The following OR6C6 variants were observed in gnomAD, a reference collection of about 807,000 sequenced individuals.
The protein encoded by OR6C6 is olfactory receptor 6C6.
For missense variants in OR6C6, 411 were observed against 366.8 expected (o/e 1.12, Z -0.98); for synonymous variants, 140 against 135.2 (o/e 1.04, Z -0.25).
chr12:55,296,430 A>G lies in OR6C6; in HGVS notation c.-137T>C, dbSNP rs1868256752. 1 of 152,036 alleles carries G rather than the reference A, an allele frequency of 6.6e-6. No individual in the cohort carries two copies. The highest frequency in any genetic ancestry group is 2.4e-5 in the African/African-American group (1 of 41,456). 9.4% of individuals were successfully genotyped at this position (152,036 alleles called of 1,614,324 possible). A position where few individuals can be genotyped will look rare whatever the true frequency, so the allele number is the denominator to read the frequency against. On this transcript the variant is annotated 5_prime_UTR_variant, in exon 1 of 2. Coordinates refer to ENST00000358433, the MANE Select transcript of OR6C6 (RefSeq NM_001005493.2). Reference sequence around the variant, plus strand: ...GACCACATTTTATTATCCAATAGGCACATTTATTACCAATGATTTTTGTGG... The same window carrying G: ...GACCACATTTTATTATCCAATAGGCGCATTTATTACCAATGATTTTTGTGG...
In OR6C6 at chr12:55,295,080, G is replaced by C; in HGVS notation, c.153C>G (p.Pro51=). ...LIIIILTLLD[P]RLKTPMYFFL... ...AGAAATACATTGGCGTCTTGAGCCGGGGATCCAGCAGGGTGAGGATGATGA... is the reference window on the plus strand; with the variant it reads ...AGAAATACATTGGCGTCTTGAGCCGCGGATCCAGCAGGGTGAGGATGATGA... Residue 51 remains proline (P), a synonymous_variant, in exon 2 of 2, where the codon CCC becomes CCG. Coordinates refer to ENST00000358433, the MANE Select transcript of OR6C6 (RefSeq NM_001005493.2). 6.2e-7 allele frequency: 1 copy of C among 1,613,938 alleles called. No individual in the cohort carries two copies. Among genetic ancestry groups the C allele is most frequent in the Non-Finnish European group, 8.5e-7 (1 of 1,179,952 alleles).
rs374404224 is a variant in OR6C6, at chr12:55,294,294, T to C, written c.939A>G (p.Pro313=). Residue 313 remains proline (P), a synonymous_variant, in exon 2 of 2, where the codon CCA becomes CCG. Transcript: ENST00000358433. ...LQKNLCFSKR[P]F Reference sequence around the variant, plus strand: ...TGTAATTTGTAGCAGATTCTTAAAATGGTCTTTTAGAAAAACACAAATTCT... The same window carrying C: ...TGTAATTTGTAGCAGATTCTTAAAACGGTCTTTTAGAAAAACACAAATTCT... 20 of 1,568,586 alleles carry C rather than the reference T, an allele frequency of 1.3e-5. No individual in the cohort carries two copies. In the African/African-American group the frequency reaches 2.6e-4, roughly 20 times the overall value.
rs1592255430 is a variant in OR6C6, at chr12:55,294,033, C to T, written c.*255G>A. The T allele has an allele frequency of 2.0e-5, 5 of 254,534 alleles. No individual in the cohort carries two copies. The highest frequency in any genetic ancestry group is 7.5e-5 in the South Asian group (1 of 13,414). The allele number at this position is 254,534 out of a possible 1,614,324, so 15.8% of individuals were successfully genotyped here. A position where few individuals can be genotyped will look rare whatever the true frequency, so the allele number is the denominator to read the frequency against. ...CATCTGGGCTCACTGCAACCTCCAC[C>T]TCCCGAGTTCAAGCTATTCTCTTGC... On this transcript the variant is annotated 3_prime_UTR_variant, in exon 2 of 2. Coordinates refer to ENST00000358433, the MANE Select transcript of OR6C6 (RefSeq NM_001005493.2).
Position 55,295,070 on chromosome 12 carries a change from T to C in OR6C6, c.163A>G (p.Thr55Ala). The change falls in exon 2 of 2, where the codon ACG becomes GCG. Residue 55 changes from threonine (T) to alanine (A), a missense_variant. By Grantham distance (58) the Thr-to-Ala change is moderately conservative. Transcript: ENST00000358433. The stretch of plus-strand genomic sequence containing the variant: ...TTACGGAGAAAGAAATACATTGGCG[T>C]CTTGAGCCGGGGATCCAGCAGGGTG... ...ILTLLDPRLK[T>A]PMYFFLRNFS... 1 of 1,614,036 alleles carries C rather than the reference T, an allele frequency of 6.2e-7. No individual in the cohort carries two copies. The highest frequency in any genetic ancestry group is 1.1e-5 in the South Asian group (1 of 91,074).
chr12:55,295,126 C>T lies in OR6C6; in HGVS notation c.107G>A (p.Ser36Asn). The change falls in exon 2 of 2, where the codon AGC (serine) becomes AAC (asparagine). Residue 36 changes from serine (S) to asparagine (N), a missense_variant. By Grantham distance (46) the Ser-to-Asn change is conservative (BLOSUM62 1). Coordinates refer to ENST00000358433, the MANE Select transcript of OR6C6 (RefSeq NM_001005493.2). ...GATGATGATTAAGTTCCCCATCAGGCTCAAGGTGTAGTTGAGAAATAGAAA... is the reference window on the plus strand; with the variant it reads ...GATGATGATTAAGTTCCCCATCAGGTTCAAGGTGTAGTTGAGAAATAGAAA... ...FLFLFLNYTL[S>N]LMGNLIIIIL... 1.2e-6 allele frequency: 2 copies of T among 1,613,848 alleles called. No homozygotes were observed. The highest frequency in any genetic ancestry group is 2.2e-5 in the East Asian group (1 of 44,852).
chr12:55,294,780 G>T lies in OR6C6; in HGVS notation c.453C>A (p.Phe151Leu). 1 of 1,614,072 alleles carries T rather than the reference G, an allele frequency of 6.2e-7. No individual in the cohort carries two copies. Among genetic ancestry groups the T allele is most frequent in the Non-Finnish European group, 8.5e-7 (1 of 1,179,980 alleles). The change falls in exon 2 of 2, where the codon TTC (phenylalanine) becomes TTA (leucine). Residue 151 changes from phenylalanine (F) to leucine (L), a missense_variant. Phe to Leu is a conservative substitution (Grantham distance 22). Coordinates refer to ENST00000358433, the MANE Select transcript of OR6C6 (RefSeq NM_001005493.2). ...QLVLSSWVTG[F>L]LIIFPPLVMG... Reference sequence around the variant, plus strand: ...TGACCAATGGGGGAAATATGATTAAGAATCCAGTTACCCAAGAGCTAAGTA... The same window carrying T: ...TGACCAATGGGGGAAATATGATTAATAATCCAGTTACCCAAGAGCTAAGTA...
chr12:55,294,762 T>C lies in OR6C6; in HGVS notation c.471A>G (p.Pro157=). 3 of 1,613,998 alleles carry C rather than the reference T, an allele frequency of 1.9e-6. No homozygotes were observed. The highest frequency in any genetic ancestry group is 2.5e-6 in the Non-Finnish European group (3 of 1,179,952). The change falls in exon 2 of 2, where the codon CCA becomes CCG. Residue 157 remains proline (P), a synonymous_variant. Coordinates refer to ENST00000358433, the MANE Select transcript of OR6C6 (RefSeq NM_001005493.2). ...WVTGFLIIFP[P]LVMGLKLDFC... is the part of the protein sequence containing the mutation. ...AATCCAGCTTGAGTCCCATGACCAA[T>C]GGGGGAAATATGATTAAGAATCCAG...
In OR6C6 at chr12:55,294,477, G is replaced by A. The variant is rs1411747339; in HGVS notation, c.756C>T (p.Ser252=). Residue 252 remains serine, a synonymous_variant, in exon 2 of 2, where the codon AGC becomes AGT. Coordinates refer to ENST00000358433, the MANE Select transcript of OR6C6 (RefSeq NM_001005493.2). ...HMIVVSMTYG[S]CIFMYIKPSA... is the part of the protein sequence containing the mutation. Reference sequence around the variant, plus strand: ...ATGGTTTAATATACATAAAGATACAGCTACCGTATGTCATGGAGACAACAA... The same window carrying A: ...ATGGTTTAATATACATAAAGATACAACTACCGTATGTCATGGAGACAACAA... The A allele has an allele frequency of 1.2e-6, 2 of 1,613,674 alleles. No homozygotes were observed. Among genetic ancestry groups the A allele is most frequent in the Non-Finnish European group, 1.7e-6 (2 of 1,179,630 alleles).
At position 55,294,947 on chromosome 12, in the gene OR6C6, C is replaced by T; in HGVS notation, c.286G>A (p.Ala96Thr). The T allele has an allele frequency of 6.2e-7, 1 of 1,613,738 alleles. No homozygotes were observed. Among genetic ancestry groups the T allele is most frequent in the Non-Finnish European group, 8.5e-7 (1 of 1,179,912 alleles). The change falls in exon 2 of 2, where the codon GCA (alanine) becomes ACA (threonine). Residue 96 changes from alanine (A) to threonine (T), a missense_variant. By Grantham distance (58) the Ala-to-Thr change is moderately conservative (BLOSUM62 0). Transcript: ENST00000358433. ...AAAAGGATAAAAAATAATTGAGTTGCACAATTATTATAAGAAATGGTTTTG... is the reference window on the plus strand; with the variant it reads ...AAAAGGATAAAAAATAATTGAGTTGTACAATTATTATAAGAAATGGTTTTG... ...RDKTISYNNCATQLFFILLPG... is the reference protein window; with the variant it reads ...RDKTISYNNCTTQLFFILLPG...
rs1266816237 is a variant in OR6C6 at position 55,294,764 on chromosome 12, G to C, written c.469C>G (p.Pro157Ala). ...WVTGFLIIFP[P>A]LVMGLKLDFC... The stretch of plus-strand genomic sequence containing the variant: ...TCCAGCTTGAGTCCCATGACCAATG[G>C]GGGAAATATGATTAAGAATCCAGTT... Residue 157 changes from proline to alanine, a missense_variant, in exon 2 of 2, where the codon CCA becomes GCA. Coordinates refer to ENST00000358433, the MANE Select transcript of OR6C6 (RefSeq NM_001005493.2). 4 of 1,613,976 alleles carry C rather than the reference G, an allele frequency of 2.5e-6. No individual in the cohort carries two copies. The highest frequency in any genetic ancestry group is 3.4e-6 in the Non-Finnish European group (4 of 1,179,966).
chr12:55,295,525 A>T (rs1330151652), intron 1 of OR6C6, among the ~76,000 whole-genome samples: 1 of 152,042 alleles, frequency 6.6e-6, no homozygotes, highest in East Asian at 1.9e-4. Flanking sequence ...TCACTGTCAG[A>T]TGAACTCTAC....
chr12:55,294,260 T>C lies in OR6C6; in HGVS notation c.*28A>G. The C allele has an allele frequency of 7.1e-7, 1 of 1,401,048 alleles. No individual in the cohort carries two copies. Among genetic ancestry groups the C allele is most frequent in the Non-Finnish European group, 9.9e-7 (1 of 1,007,826 alleles). 86.8% of individuals were successfully genotyped at this position (1,401,048 alleles called of 1,614,324 possible). ...ATGCCAGGCCGTTTTCCAGTTTTTA[T>C]GGTAAAGTTGTAATTTGTAGCAGAT... is the stretch of plus-strand genomic sequence containing the variant. On this transcript the variant is annotated 3_prime_UTR_variant, in exon 2 of 2. Transcript: ENST00000358433.
Position 55,294,726 on chromosome 12 carries a change from G to A in OR6C6, c.507C>T (p.Ser169=). The A allele has an allele frequency of 1.2e-6, 2 of 1,614,006 alleles. No homozygotes were observed. The highest frequency in any genetic ancestry group is 1.7e-6 in the Non-Finnish European group (2 of 1,180,000). ...VMGLKLDFCA[S]KTIDHFMCET... Reference sequence around the variant, plus strand: ...CACACATAAAGTGGTCAATAGTTTTGGAAGCACAAAAATCCAGCTTGAGTC... The same window carrying A: ...CACACATAAAGTGGTCAATAGTTTTAGAAGCACAAAAATCCAGCTTGAGTC... The change falls in exon 2 of 2, where the codon TCC becomes TCT. Residue 169 remains serine, a synonymous_variant. Transcript: ENST00000358433.
rs746450515 is a variant in OR6C6, at chr12:55,294,993, C to T, written c.240G>A (p.Leu80=). 6.2e-7 allele frequency: 1 copy of T among 1,613,374 alleles called. No homozygotes were observed. Among genetic ancestry groups the T allele is most frequent in the South Asian group, 1.1e-5 (1 of 91,054 alleles). ...TTTTGTCTCTAGTCACAATGGTTAT[C>T]AAGAATCTAGGAATACACACTGTTG... ...IFTTVCIPRF[L]ITIVTRDKTI... The change falls in exon 2 of 2, where the codon TTG becomes TTA. Residue 80 remains leucine (L), a synonymous_variant. Coordinates refer to ENST00000358433, the MANE Select transcript of OR6C6 (RefSeq NM_001005493.2).
At position 55,294,173 on chromosome 12, in the gene OR6C6, T is replaced by G. The variant is rs1954569756; in HGVS notation, c.*115A>C. ...GTTGGCCAGGCTGGTCTCGAACTCCTGACCTCAGGTAACCACCCTCCTCAG... is the reference window on the plus strand; with the variant it reads ...GTTGGCCAGGCTGGTCTCGAACTCCGGACCTCAGGTAACCACCCTCCTCAG... On this transcript the variant is annotated 3_prime_UTR_variant, in exon 2 of 2. Coordinates refer to ENST00000358433, the MANE Select transcript of OR6C6 (RefSeq NM_001005493.2). 3.1e-6 allele frequency: 2 copies of G among 637,038 alleles called. No homozygotes were observed. Among genetic ancestry groups the G allele is most frequent in the Middle Eastern group, 3.2e-4 (1 of 3,142 alleles). The allele number at this position is 637,038 out of a possible 1,614,324, so 39.5% of individuals were successfully genotyped here. A position where few individuals can be genotyped will look rare whatever the true frequency, so the allele number is the denominator to read the frequency against.
chr12:55,294,136 G>T lies in OR6C6; in HGVS notation c.*152C>A. The T allele has an allele frequency of 1.8e-6, 1 of 552,458 alleles. No homozygotes were observed. The allele number at this position is 552,458 out of a possible 1,614,324, so 34.2% of individuals were successfully genotyped here. Reference sequence around the variant, plus strand: ...ATTTTTGTACTTTTAAGTAGAGACGGGGTTTCACCATGTTGGCCAGGCTGG... The same window carrying T: ...ATTTTTGTACTTTTAAGTAGAGACGTGGTTTCACCATGTTGGCCAGGCTGG... On this transcript the variant is annotated 3_prime_UTR_variant, in exon 2 of 2. Coordinates refer to ENST00000358433, the MANE Select transcript of OR6C6 (RefSeq NM_001005493.2).
intron 1 of OR6C6, among the ~76,000 whole-genome samples, chr12:55,295,648 G>A (rs538248524): frequency 3.2e-4 from 48 of 152,004 alleles, no homozygotes; most frequent in African/African-American, 1.1e-3. Context: ...TAACGAGTAT[G>A]AGGATGATGT....
rs1004184207 is a variant in OR6C6, at chr12:55,294,166, G to T, written c.*122C>A. The T allele has an allele frequency of 2.6e-5, 16 of 615,018 alleles. No homozygotes were observed. Among genetic ancestry groups the T allele is most frequent in the Non-Finnish European group, 1.7e-5 (6 of 348,692 alleles). 38.1% of individuals were successfully genotyped at this position (615,018 alleles called of 1,614,324 possible). ...TCACCATGTTGGCCAGGCTGGTCTC[G>T]AACTCCTGACCTCAGGTAACCACCC... On this transcript the variant is annotated 3_prime_UTR_variant, in exon 2 of 2. Transcript: ENST00000358433.
rs1808390912 is a variant in OR6C6, at chr12:55,295,015, GTTGT to G, written c.214_217del (p.Thr72GlnfsTer8). ...TATCAAGAATCTAGGAATACACACTGTTGTGAATATTACTTCCAAAAAGGAGAAA... is the reference window on the plus strand; with the variant it reads ...TATCAAGAATCTAGGAATACACACTGGAATATTACTTCCAAAAAGGAGAAA... On this transcript the variant is annotated frameshift_variant, in exon 2 of 2. Coordinates refer to ENST00000358433, the MANE Select transcript of OR6C6 (RefSeq NM_001005493.2). LOFTEE classifies it low-confidence loss of function (END_TRUNC). The G allele has an allele frequency of 6.2e-7, 1 of 1,613,122 alleles. No homozygotes were observed. Among genetic ancestry groups the G allele is most frequent in the African/African-American group, 1.3e-5 (1 of 74,892 alleles).
Sources: allele counts gnomAD v4.1 joint callset (sites outside exome capture counted in the v4.1 genomes callset), GRCh38; gene constraint gnomAD v4.1.1; transcripts MANE v1.5; gene names NCBI Gene and HGNC (gene_info 2026-07-23, HGNC 2026-07-21).